The following MAPK10 variants were observed in gnomAD, a reference collection of about 807,000 sequenced individuals.
MAPK10 encodes the protein mitogen-activated protein kinase 10.
Under a neutral mutation model 59.3 loss-of-function variants are expected in MAPK10, and 25 were observed. The observed-to-expected ratio is 0.42, with a 90% CI of 0.31 to 0.59. The LOEUF is 0.59. MAPK10 is among the 20% of genes least tolerant of loss of function. The pLI is 0.15. For synonymous variants in MAPK10, 190 were observed against 200.5 expected (o/e 0.95, Z 0.44); for missense variants, 351 against 568.9 (o/e 0.62, Z 3.90).
intron 1 of MAPK10, among the ~76,000 whole-genome samples, chr4:86,549,968 A>C (rs1031354462): frequency 4.6e-5 from 7 of 152,196 alleles, no homozygotes; most frequent in African/African-American, 9.7e-5. Context: ...CCAGAAAATA[A>C]ATCTTACAAG....
At chr4:86,433,607 T>C (rs1748339086) in intron 1 of MAPK10, among the ~76,000 whole-genome samples, 2 of 149,292 alleles carry the variant, frequency 1.3e-5, no homozygotes, top group South Asian at 4.3e-4. Context: ...TCTCACCATG[T>C]TGCCCAGGCT....
intron 2 of MAPK10, among the ~76,000 whole-genome samples, chr4:86,286,309 A>ACTTTGGGG (rs2095007155): frequency 6.6e-6 from 1 of 152,166 alleles, no homozygotes; most frequent in African/African-American, 2.4e-5. Context: ...TCCCTGAACA[A>ACTTTGGGG]AGGCTTTGGG....
At chr4:86,588,829 T>G (rs1762817269) in intron 1 of MAPK10, among the ~76,000 whole-genome samples, 1 of 152,220 alleles carries the variant, frequency 6.6e-6, no homozygotes, top group South Asian at 2.1e-4. Flanking sequence ...TTATCACGTG[T>G]AGAAACAAGA....
chr4:86,539,795 G>C (rs1259789348), intron 1 of MAPK10, among the ~76,000 whole-genome samples: 1 of 152,156 alleles, frequency 6.6e-6, no homozygotes, highest in Non-Finnish European at 1.5e-5. Context: ...CCACTAAAAT[G>C]CTTGTCAAAT....
chr4:86,158,902 C>CT (rs1246294743), intron 4 of MAPK10: 1 of 155,014 alleles, frequency 6.5e-6, no homozygotes, highest in Non-Finnish European at 1.4e-5. Flanking sequence ...TTTGAAATAG[C>CT]TTTTATTCCA....
At chr4:86,458,113 C>T (rs1302564178), upstream of MAPK10, 2 of 152,152 alleles carry the variant, frequency 1.3e-5, no homozygotes, top group Non-Finnish European at 2.9e-5. Context: ...GCCTGGCCAA[C>T]ATGGTGAAAC....
intron 1 of MAPK10, among the ~76,000 whole-genome samples, chr4:86,431,900 T>G (rs1579197407): frequency 6.6e-6 from 1 of 152,108 alleles, no homozygotes; most frequent in African/African-American, 2.4e-5. Context: ...TGTCAAAAGG[T>G]GAAGCAGAGG....
chr4:86,170,130 G>C (rs1254393141), intron 3 of MAPK10, among the ~76,000 whole-genome samples: 1 of 151,876 alleles, frequency 6.6e-6, no homozygotes, highest in Non-Finnish European at 1.5e-5. Flanking sequence ...AGACCATCGA[G>C]ACTAGGAAGA....
intron 2 of MAPK10, among the ~76,000 whole-genome samples, chr4:86,292,353 G>A (rs2095251802): frequency 1.3e-5 from 2 of 152,088 alleles, no homozygotes; most frequent in Admixed American, 1.3e-4. Context: ...ATTTCCTTCT[G>A]TCAACAATGT....
At chr4:86,378,777 G>A (rs1740213548) in intron 1 of MAPK10, among the ~76,000 whole-genome samples, 3 of 152,168 alleles carry the variant, frequency 2.0e-5, no homozygotes, top group Admixed American at 6.6e-5. Context: ...GGAGAGGCAC[G>A]GGAGAGAGTC....
intron 1 of MAPK10, among the ~76,000 whole-genome samples, chr4:86,503,047 T>A (rs1579416145): frequency 6.6e-6 from 1 of 152,048 alleles, no homozygotes; most frequent in African/African-American, 2.4e-5. Context: ...TGAAAGAGGA[T>A]GGAAGAATAA....
intron 1 of MAPK10, among the ~76,000 whole-genome samples, chr4:86,525,684 A>G (rs1757429310): frequency 6.6e-6 from 1 of 152,242 alleles, no homozygotes; most frequent in East Asian, 1.9e-4. Flanking sequence ...CCAGGAATGG[A>G]GCTCAACACT....
At chr4:86,438,701 A>C (rs1185990521) in intron 1 of MAPK10, among the ~76,000 whole-genome samples, 2 of 152,088 alleles carry the variant, frequency 1.3e-5, no homozygotes, top group East Asian at 1.9e-4. Context: ...AAAAAAAAAA[A>C]AAAAAACATG....
At chr4:86,049,317 TCTA>T (rs2043087919) in intron 11 of MAPK10, among the ~76,000 whole-genome samples, 1 of 152,078 alleles carries the variant, frequency 6.6e-6, no homozygotes, top group Non-Finnish European at 1.5e-5. Context: ...AGAACTATAT[TCTA>T]ATAATAAGGC....
intron 3 of MAPK10, among the ~76,000 whole-genome samples, chr4:86,180,204 C>T (rs141442922): frequency 9.9e-5 from 15 of 151,884 alleles, no homozygotes; most frequent in East Asian, 5.8e-4. Context: ...AGAAGACACA[C>T]GAATGGCCAA....
chr4:86,533,994 A>C (rs1758040080), intron 1 of MAPK10, among the ~76,000 whole-genome samples: 2 of 152,188 alleles, frequency 1.3e-5, no homozygotes, highest in Admixed American at 6.5e-5. Flanking sequence ...GTGCCTCTAA[A>C]GACACAGCCC....
chr4:86,533,342 C>T (rs1313024726), intron 1 of MAPK10, among the ~76,000 whole-genome samples: 1 of 152,006 alleles, frequency 6.6e-6, no homozygotes. Flanking sequence ...GATAATTACA[C>T]AACAATGTGA....
chr4:86,582,716 T>A (rs1342280819), intron 1 of MAPK10, among the ~76,000 whole-genome samples: 2 of 152,182 alleles, frequency 1.3e-5, no homozygotes, highest in Admixed American at 6.5e-5. Flanking sequence ...ACTAAACCAA[T>A]GAGCCCTCAA....
At chr4:86,119,062 G>A (rs1025951213) in intron 4 of MAPK10, among the ~76,000 whole-genome samples, 2 of 151,924 alleles carry the variant, frequency 1.3e-5, no homozygotes, top group South Asian at 2.1e-4. Context: ...GATTTTTTTG[G>A]TTAATTATTT....
Sources: allele counts gnomAD v4.1 joint callset (sites outside exome capture counted in the v4.1 genomes callset), GRCh38; gene constraint gnomAD v4.1.1; transcripts MANE v1.5; gene names NCBI Gene and HGNC (gene_info 2026-07-23, HGNC 2026-07-21).